Variants in ERAP1 observed in about 807,000 individuals in gnomAD.
ERAP1 encodes the protein adipocyte-derived leucine aminopeptidase.
ERAP1 carries 86 observed loss-of-function variants against 103.7 expected under a neutral mutation model. The ratio of observed to expected loss-of-function variants is 0.83; its 90% CI spans 0.70 to 0.99. The LOEUF is 0.99. Ranked by LOEUF, ERAP1 falls within the 50% of genes least tolerant of loss-of-function variation. The pLI is 0.00. For missense variants in ERAP1, 1,009 were observed against 1,128.4 expected, an observed-to-expected ratio of 0.89 and a Z score of 1.52; for synonymous variants, 398 against 402.4, an observed-to-expected ratio of 0.99 and a Z score of 0.13.
chr5:96,768,653 T>C (rs894104466), intron 19 of ERAP1, among the ~76,000 whole-genome samples: 3 of 152,226 alleles, frequency 2.0e-5, no homozygotes, highest in African/African-American at 4.8e-5. Context: ...TAATGCTATG[T>C]CTGTGTTCAT....
At chr5:96,790,719 T>G in intron 8 of ERAP1, 76 bp from the exon 9 acceptor site, 1 of 1,392,210 alleles carries the variant, frequency 7.2e-7, no homozygotes, top group South Asian at 1.2e-5. Context: ...TCTTTTGCAA[T>G]AAAACACATT....
chr5:96,821,917 A>G, the ERAP1 span, among the ~76,000 whole-genome samples: 1 of 152,254 alleles, frequency 6.6e-6, no homozygotes, highest in Admixed American at 6.5e-5. Flanking sequence ...GGTTAATTCC[A>G]GAAACAAATT....
chr5:96,843,671 T>C, the ERAP1 span, among the ~76,000 whole-genome samples: 1 of 152,126 alleles, frequency 6.6e-6, no homozygotes, highest in East Asian at 1.9e-4. Context: ...TGTCCCTGAG[T>C]TGTTTTTCAG....
chr5:96,919,982 G>A, the ERAP1 span, among the ~76,000 whole-genome samples: 1 of 152,180 alleles, frequency 6.6e-6, no homozygotes, highest in Non-Finnish European at 1.5e-5. Flanking sequence ...CAGAACCAAT[G>A]GCTTTGTATG....
chr5:96,808,350 G>A (rs1229629336), upstream of ERAP1, among the ~76,000 whole-genome samples: 1 of 151,350 alleles, frequency 6.6e-6, no homozygotes, highest in African/African-American at 2.4e-5. Flanking sequence ...CGGTGCTCAA[G>A]TTGGGGACCG....
the ERAP1 span, among the ~76,000 whole-genome samples, chr5:96,822,000 A>G: frequency 1.3e-5 from 2 of 152,186 alleles, no homozygotes; most frequent in Non-Finnish European, 2.9e-5. Flanking sequence ...ATGGAGGAAT[A>G]AACTATCCCA....
the ERAP1 span, among the ~76,000 whole-genome samples, chr5:96,870,582 T>A: frequency 6.6e-6 from 1 of 152,024 alleles, no homozygotes; most frequent in Admixed American, 6.6e-5. Context: ...TCTGACACTC[T>A]CTTTCTGAGA....
intron 12 of ERAP1, 29 bp from the exon 13 acceptor site, chr5:96,786,000 C>T: frequency 6.2e-7 from 1 of 1,607,390 alleles, no homozygotes; most frequent in Non-Finnish European, 8.5e-7. Context: ...ATCAAAGTTC[C>T]ATTTGCTCCC....
intron 14 of ERAP1, among the ~76,000 whole-genome samples, 187 bp downstream of exon 14, chr5:96,783,737 C>T (rs1775569382): frequency 1.8e-4 from 1 of 5,538 alleles, no homozygotes; most frequent in Non-Finnish European, 3.1e-4. Context: ...ATTTTTAGTG[C>T]CAAATAAAAC....
chr5:96,768,045 T>A (rs889232924), intron 19 of ERAP1: 2 of 1,165,440 alleles, frequency 1.7e-6, no homozygotes, highest in Admixed American at 3.4e-5. Context: ...TGTGTGTGTG[T>A]ATGTGTACAT....
At chr5:96,896,915 A>C in the ERAP1 span, 2 of 1,498,912 alleles carry the variant, frequency 1.3e-6, no homozygotes, top group Non-Finnish European at 1.8e-6. Context: ...AGAAAGTAAC[A>C]GAATAATTGT....
At chr5:96,902,579 T>C in the ERAP1 span, 3 of 414,646 alleles carry the variant, frequency 7.2e-6, no homozygotes. Flanking sequence ...GACAGATTAT[T>C]TACATCAAGA....
chr5:96,859,076 C>T, the ERAP1 span, among the ~76,000 whole-genome samples: 1 of 151,250 alleles, frequency 6.6e-6, no homozygotes, highest in Non-Finnish European at 1.5e-5. Flanking sequence ...CACACACACA[C>T]ACACACACAC....
chr5:96,761,651 G>A (rs1446547286), exon 20 of ERAP1: 1 of 152,150 alleles, frequency 6.6e-6, no homozygotes, highest in South Asian at 2.1e-4. Flanking sequence ...GGGAGTATTT[G>A]AAATGAAGCA....
the ERAP1 span, among the ~76,000 whole-genome samples, chr5:96,930,099 C>A: frequency 6.6e-6 from 1 of 152,098 alleles, no homozygotes; most frequent in Non-Finnish European, 1.5e-5. Flanking sequence ...CTTATTATAC[C>A]CCTTCCTCAA....
At chr5:96,820,564 C>A in the ERAP1 span, among the ~76,000 whole-genome samples, 1 of 152,094 alleles carries the variant, frequency 6.6e-6, no homozygotes, top group South Asian at 2.1e-4. Flanking sequence ...ATAACATCTA[C>A]AACCATGTAA....
At chr5:96,830,052 C>T in the ERAP1 span, among the ~76,000 whole-genome samples, 1 of 152,302 alleles carries the variant, frequency 6.6e-6, no homozygotes, top group Admixed American at 6.5e-5. Flanking sequence ...TTCAGGATCA[C>T]TTTGAAAGAC....
At chr5:96,879,682 T>A in the ERAP1 span, 1 of 1,611,068 alleles carries the variant, frequency 6.2e-7, no homozygotes, top group Non-Finnish European at 8.5e-7. Context: ...AGAGAATAGA[T>A]TTCATGTTCC....
chr5:96,798,399 G>T (rs192990052), intron 3 of ERAP1, among the ~76,000 whole-genome samples: 1 of 151,486 alleles, frequency 6.6e-6, no homozygotes, highest in Non-Finnish European at 1.5e-5. Context: ...CAGAGAGTAA[G>T]GGTGGGGTAT....
Sources: allele counts gnomAD v4.1 joint callset (sites outside exome capture counted in the v4.1 genomes callset), GRCh38; gene constraint gnomAD v4.1.1; transcripts MANE v1.5; gene names NCBI Gene and HGNC (gene_info 2026-07-23, HGNC 2026-07-21).